PDE11A: variants seen among roughly 807,000 people sequenced by gnomAD.
PDE11A encodes phosphodiesterase 11A.
PDE11A carries 100 observed loss-of-function variants against 100.5 expected under a neutral mutation model. The observed-to-expected ratio is 1.00, with a 90% confidence interval of 0.85 to 1.18. PDE11A has a LOEUF of 1.18. PDE11A is among the 50% of genes most tolerant of loss of function. PDE11A has a pLI of 0.00. For missense variants in PDE11A, 1,141 were observed against 1,152.6 expected (o/e 0.99, Z 0.15); for synonymous variants, 381 against 420.8 (o/e 0.91, Z 1.16).
chr2:177,746,822 A>G (rs554131233), intron 10 of PDE11A, among the ~76,000 whole-genome samples: 2 of 152,336 alleles, frequency 1.3e-5, no homozygotes, highest in African/African-American at 4.8e-5. Context: ...GAGGAAAAAG[A>G]TGGTGAGAAT....
intron 2 of PDE11A, among the ~76,000 whole-genome samples, chr2:177,972,936 T>A (rs1044732207): frequency 2.0e-5 from 3 of 152,158 alleles, no homozygotes; most frequent in African/African-American, 7.2e-5. Context: ...ACAGCTCTGA[T>A]GAGAGATGGG....
chr2:177,763,923 C>T (rs992764228), intron 10 of PDE11A, among the ~76,000 whole-genome samples: 12 of 152,198 alleles, frequency 7.9e-5, no homozygotes, highest in African/African-American at 2.9e-4. Context: ...GGGGGGCAGC[C>T]CTGCACCCGC....
chr2:177,801,752 C>G (rs2082798362), intron 9 of PDE11A, among the ~76,000 whole-genome samples: 1 of 151,918 alleles, frequency 6.6e-6, no homozygotes, highest in Non-Finnish European at 1.5e-5. Flanking sequence ...CCCAAAAAAG[C>G]TTTTAGAGGA....
At chr2:177,905,003 A>G (rs2084760035) in intron 3 of PDE11A, 95 bp downstream of exon 3, 1 of 776,558 alleles carries the variant, frequency 1.3e-6, no homozygotes, top group South Asian at 1.4e-5. Context: ...GTACTATTCA[A>G]AGATCATTCA....
At chr2:177,942,729 CACATA>C (rs1000649528) in intron 2 of PDE11A, among the ~76,000 whole-genome samples, 1 of 152,084 alleles carries the variant, frequency 6.6e-6, no homozygotes, top group African/African-American at 2.4e-5. Flanking sequence ...GTAAAAAAAA[CACATA>C]ACATAAAATT....
At chr2:177,672,146 A>T (rs951761066) in intron 17 of PDE11A, among the ~76,000 whole-genome samples, 23 of 152,210 alleles carry the variant, frequency 1.5e-4, no homozygotes, top group African/African-American at 5.5e-4. Context: ...GCCTTCCCAC[A>T]TGGGAAAGGG....
rs190754934 is a variant in PDE11A, at chr2:177,643,482, C to T, written c.2647-13920G>A. On this transcript the variant is annotated intron_variant, in intron 19 of 19. Transcript: ENST00000286063. ...GAGAGAGATGATTAAGGGTACCTGG[C>T]GGAAGAAATTTCTAAGCAGCAAAGC... Among the ~76,000 whole-genome samples the T allele has an allele frequency of 5.9e-3, 903 of 152,150 alleles. 8 individuals are homozygous for T. The highest frequency in any genetic ancestry group is 0.02 in the African/African-American group (826 of 41,526).
chr2:177,662,975 G>C (rs1295433085), intron 19 of PDE11A, among the ~76,000 whole-genome samples: 1 of 152,114 alleles, frequency 6.6e-6, no homozygotes, highest in Non-Finnish European at 1.5e-5. Flanking sequence ...GGTTACATAG[G>C]GTGAGGAACT....
chr2:177,768,251 C>A (rs1420718434), intron 10 of PDE11A, among the ~76,000 whole-genome samples: 1 of 152,138 alleles, frequency 6.6e-6, no homozygotes, highest in African/African-American at 2.4e-5. Context: ...CCTTTGCTCC[C>A]TTTCATCATT....
chr2:177,666,094 C>T (rs574460229), intron 18 of PDE11A, among the ~76,000 whole-genome samples: 2 of 152,268 alleles, frequency 1.3e-5, no homozygotes, highest in East Asian at 1.9e-4. Context: ...TCCGCACTCC[C>T]AGCCTTAGGC....
chr2:177,985,238 A>G (rs887285085), intron 2 of PDE11A, among the ~76,000 whole-genome samples: 7 of 152,152 alleles, frequency 4.6e-5, no homozygotes, highest in Non-Finnish European at 7.3e-5. Context: ...TTTTTCTTCA[A>G]CAACTCTACT....
chr2:178,079,294 C>T (rs1177465287), intron 2 of PDE11A, among the ~76,000 whole-genome samples: 2 of 152,222 alleles, frequency 1.3e-5, no homozygotes, highest in South Asian at 2.1e-4. Context: ...CTCCCTCCCC[C>T]GTCCCCTTGA....
At chr2:177,656,450 G>A (rs2080385644) in intron 19 of PDE11A, among the ~76,000 whole-genome samples, 1 of 151,708 alleles carries the variant, frequency 6.6e-6, no homozygotes, top group African/African-American at 2.4e-5. Context: ...TGTCAAAGAT[G>A]CATTTCTCAG....
intron 2 of PDE11A, among the ~76,000 whole-genome samples, chr2:177,921,227 CT>C (rs1231788587): frequency 1.3e-5 from 2 of 151,068 alleles, no homozygotes; most frequent in Non-Finnish European, 2.9e-5. Context: ...TGACAGCATG[CT>C]TTTTTATTGC....
Position 177,638,305 on chromosome 2 carries a change from A to AT in PDE11A, c.2647-8744dup, listed in dbSNP as rs533959937. On this transcript the variant is annotated intron_variant, in intron 19 of 19. Transcript: ENST00000286063. Reference sequence around the variant, plus strand: ...TGAGCCACCGCGCCCAGCCTACTATATTTTTTTTACCTCAAAAATTAGCGT... The same window carrying AT: ...TGAGCCACCGCGCCCAGCCTACTATATTTTTTTTTACCTCAAAAATTAGCGT... 7.3e-5 allele frequency among the ~76,000 whole-genome samples: 11 copies of AT among 151,594 alleles called. No homozygotes were observed. The East Asian group carries it at 9.7e-4, about 13-fold the overall frequency.
chr2:177,847,343 TG>T (rs1477860577), intron 5 of PDE11A, among the ~76,000 whole-genome samples: 1 of 152,190 alleles, frequency 6.6e-6, no homozygotes, highest in African/African-American at 2.4e-5. Flanking sequence ...CCAACTTTCT[TG>T]AGTCTAAATT....
intron 2 of PDE11A, among the ~76,000 whole-genome samples, chr2:177,928,249 A>G (rs2105761099): frequency 6.6e-6 from 1 of 152,320 alleles, no homozygotes; most frequent in East Asian, 1.9e-4. Flanking sequence ...TAAACTGTAC[A>G]CTTTGGTAGG....
intron 2 of PDE11A, among the ~76,000 whole-genome samples, chr2:178,090,691 G>C (rs2087412149): frequency 6.6e-6 from 1 of 152,198 alleles, no homozygotes; most frequent in African/African-American, 2.4e-5. Flanking sequence ...TGCCAATTAG[G>C]ATAGGAGGTA....
chr2:177,665,528 TAAAG>T (rs1465002286), intron 18 of PDE11A, among the ~76,000 whole-genome samples: 2 of 141,618 alleles, frequency 1.4e-5, no homozygotes, highest in African/African-American at 2.6e-5. Flanking sequence ...AAAATAAAAA[TAAAG>T]AAATAAATAC....
Sources: allele counts gnomAD v4.1 joint callset (sites outside exome capture counted in the v4.1 genomes callset), GRCh38; gene constraint gnomAD v4.1.1; transcripts MANE v1.5; gene names NCBI Gene and HGNC (gene_info 2026-07-23, HGNC 2026-07-21).